Variants in DNAH3 observed in about 807,000 individuals in gnomAD.
DNAH3 encodes the protein dynein axonemal heavy chain 3, also known as axonemal beta dynein heavy chain 3.
A neutral mutation model predicts 432.5 loss-of-function variants in DNAH3; 332 were observed. The observed-to-expected ratio is 0.77, with a 90% confidence interval of 0.70 to 0.84. The LOEUF (loss-of-function observed/expected upper bound fraction) is 0.84. Among genes scored for constraint, DNAH3 ranks in the 40% least tolerant of loss-of-function variants. The pLI, the probability that DNAH3 is intolerant of heterozygous loss-of-function variation, is 0.00. For missense variants in DNAH3, 4,861 were observed against 5,114.0 expected (o/e 0.95, Z 1.51); for synonymous variants, 1,956 against 1,900.2 (o/e 1.03, Z -0.76).
At chr16:20,991,662 G>A (rs1052429739) in intron 44 of DNAH3, among the ~76,000 whole-genome samples, 2 of 152,094 alleles carry the variant, frequency 1.3e-5, no homozygotes, top group African/African-American at 4.8e-5. Context: ...TGTTTGACTT[G>A]TAGAGTTTTC....
At chr16:21,002,213 T>C (rs1380889333) in intron 42 of DNAH3, among the ~76,000 whole-genome samples, 1 of 152,056 alleles carries the variant, frequency 6.6e-6, no homozygotes, top group Non-Finnish European at 1.5e-5. Context: ...TTCAGAAAGA[T>C]AAACTATGCC....
At chr16:20,992,575 C>T (rs1161173209) in intron 44 of DNAH3, among the ~76,000 whole-genome samples, 3 of 152,248 alleles carry the variant, frequency 2.0e-5, no homozygotes, top group Non-Finnish European at 2.9e-5. Context: ...CTCCTGACCT[C>T]GTGATCTGCC....
intron 26 of DNAH3, 145 bp from the exon 27 acceptor site, chr16:21,058,341 G>T: frequency 4.1e-6 from 2 of 488,638 alleles, no homozygotes; most frequent in South Asian, 4.0e-5. Context: ...TGACATCTCT[G>T]GAATTACTGA....
chr16:20,992,340 T>A (rs1597083925), intron 44 of DNAH3, among the ~76,000 whole-genome samples: 1 of 152,236 alleles, frequency 6.6e-6, no homozygotes, highest in East Asian at 1.9e-4. Context: ...TTATTTCATA[T>A]ATTTATTTTT....
At chr16:20,946,550 G>A (rs2084052112) in intron 57 of DNAH3, among the ~76,000 whole-genome samples, 1 of 152,184 alleles carries the variant, frequency 6.6e-6, no homozygotes, top group Non-Finnish European at 1.5e-5. Flanking sequence ...TACAGGGTAA[G>A]AAAGAGACTC....
At chr16:21,111,967 A>C (rs771247414) in intron 13 of DNAH3, 26 bp downstream of exon 13, 5 of 1,592,600 alleles carry the variant, frequency 3.1e-6, no homozygotes, top group African/African-American at 1.3e-5. Flanking sequence ...TCACCAAGGT[A>C]TAAAATCTCA....
chr16:21,025,143 T>C (rs1267393162), intron 38 of DNAH3, among the ~76,000 whole-genome samples: 1 of 152,080 alleles, frequency 6.6e-6, no homozygotes, highest in East Asian at 1.9e-4. Context: ...AGAGACAGGG[T>C]TGGCCAGGCT....
intron 9 of DNAH3, among the ~76,000 whole-genome samples, chr16:21,123,812 C>T (rs779959534): frequency 1.3e-5 from 2 of 151,182 alleles, no homozygotes; most frequent in African/African-American, 2.4e-5. Context: ...TTTTTTTAGA[C>T]AGAGTCTCGC....
At chr16:20,966,587 G>A (rs1036905747) in intron 52 of DNAH3, among the ~76,000 whole-genome samples, 3 of 152,138 alleles carry the variant, frequency 2.0e-5, no homozygotes, top group African/African-American at 4.8e-5. Context: ...CCCTCAAAGC[G>A]GTAAACTTCT....
At chr16:21,010,406 G>C (rs1052077293) in intron 41 of DNAH3, among the ~76,000 whole-genome samples, 4 of 152,126 alleles carry the variant, frequency 2.6e-5, no homozygotes, top group Non-Finnish European at 4.4e-5. Context: ...TGAGCAGTAA[G>C]TGACTTTTCA....
chr16:21,003,400 T>G (rs1006190858), intron 41 of DNAH3, among the ~76,000 whole-genome samples, 193 bp from the exon 42 acceptor site: 1 of 152,230 alleles, frequency 6.6e-6, no homozygotes, highest in African/African-American at 2.4e-5. Flanking sequence ...GAGTAGTGAC[T>G]TTATTATTTG....
chr16:21,020,825 T>C (rs1004820915), intron 40 of DNAH3, among the ~76,000 whole-genome samples: 10 of 152,138 alleles, frequency 6.6e-5, no homozygotes, highest in African/African-American at 2.4e-4. Flanking sequence ...ATCACCACCA[T>C]CTATATCCAG....
exon 1 of DNAH3, chr16:21,159,372 A>G (rs775726878): frequency 1.1e-5 from 17 of 1,613,876 alleles, no homozygotes; most frequent in Non-Finnish European, 1.4e-5. Context: ...CTGGCTTTTG[A>G]ACGCTGAAAG....
At chr16:21,065,091 A>C (rs1410139652) in intron 24 of DNAH3, among the ~76,000 whole-genome samples, 2 of 152,168 alleles carry the variant, frequency 1.3e-5, no homozygotes, top group Non-Finnish European at 1.5e-5. Flanking sequence ...CAAAGATTAA[A>C]TTAGTTAGTT....
At position 21,125,385 on chromosome 16, in the gene DNAH3, G is replaced by C. The variant is rs1037237284; in HGVS notation, c.1209-15C>G. The C allele has an allele frequency of 3.8e-6, 6 of 1,566,570 alleles. No individual in the cohort carries two copies. In the African/African-American group the frequency reaches 6.8e-5, roughly 18 times the overall value. ...TGGGGATCCACCTGTAAAGACAGAA[G>C]GGTGTCCATGTGAGAAGCTCTTCTG... On this transcript the variant is annotated splice_polypyrimidine_tract_variant and intron_variant, in intron 8 of 61. Coordinates refer to ENST00000261383, the Ensembl canonical transcript of DNAH3.
At chr16:21,036,564 G>A in intron 35 of DNAH3, 150 bp downstream of exon 35, 1 of 729,662 alleles carries the variant, frequency 1.4e-6, no homozygotes, top group Non-Finnish European at 2.3e-6. Context: ...ACAGGCATAG[G>A]CCATTACGCC....
intron 33 of DNAH3, 106 bp from the exon 34 acceptor site, chr16:21,038,086 C>G: frequency 1.1e-6 from 1 of 909,604 alleles, no homozygotes; most frequent in Non-Finnish European, 1.7e-6. Flanking sequence ...CAGGCATGCC[C>G]ATGGACTTGA....
intron 44 of DNAH3, among the ~76,000 whole-genome samples, chr16:20,990,864 T>TACA (rs1248385067): frequency 6.6e-6 from 1 of 151,818 alleles, no homozygotes; most frequent in African/African-American, 2.4e-5. Flanking sequence ...CTATTAAAAA[T>TACA]ACAAAAATTA....
At chr16:20,990,294 C>T (rs1176969198) in intron 44 of DNAH3, among the ~76,000 whole-genome samples, 1 of 152,232 alleles carries the variant, frequency 6.6e-6, no homozygotes, top group Non-Finnish European at 1.5e-5. Flanking sequence ...TATCATCTAT[C>T]ATCTTTCTGT....
Sources: gnomAD v4.1 joint callset for allele counts (sites outside exome capture counted in the v4.1 genomes callset) on GRCh38, gnomAD v4.1.1 for gene constraint, MANE v1.5 for transcripts, NCBI Gene and HGNC (gene_info 2026-07-23, HGNC 2026-07-21) for gene names.